Variants in TRPM8 observed in about 807,000 individuals in gnomAD.
TRPM8 encodes TRPM8 cationic channel.
Under a neutral mutation model 133.7 loss-of-function variants are expected in TRPM8, and 110 were observed. That is an observed-to-expected ratio of 0.82 (90% CI 0.70 to 0.96). TRPM8 has a LOEUF of 0.96. TRPM8 is among the 40% of genes least tolerant of loss of function. The pLI is 0.00. For missense variants in TRPM8, 1,291 were observed against 1,379.5 expected, an observed-to-expected ratio of 0.94 and a Z score of 1.02; for synonymous variants, 535 against 532.3, an observed-to-expected ratio of 1.01 and a Z score of -0.07.
chr2:233,963,746 T>G (rs748746698), intron 13 of TRPM8, among the ~76,000 whole-genome samples: 3 of 152,220 alleles, frequency 2.0e-5, no homozygotes, highest in Non-Finnish European at 4.4e-5. Context: ...TATGGAGAAT[T>G]TTCCTTGTGA....
At chr2:233,965,896 C>T (rs930170718) in intron 14 of TRPM8, 3 of 151,082 alleles carry the variant, frequency 2.0e-5, no homozygotes, top group Admixed American at 6.6e-5. Flanking sequence ...TTGCCCAGGC[C>T]GGAGAACAAT....
intron 1 of TRPM8, among the ~76,000 whole-genome samples, chr2:233,922,001 T>C (rs932674568): frequency 1.2e-4 from 19 of 152,176 alleles, no homozygotes; most frequent in Admixed American, 1.2e-3. Context: ...TGAAGGCTAC[T>C]GTACAAATGT....
intron 14 of TRPM8, 141 bp from the exon 15 acceptor site, chr2:233,966,469 G>T: frequency 5.9e-6 from 6 of 1,013,346 alleles, no homozygotes; most frequent in Non-Finnish European, 8.8e-6. Context: ...GTGTTGTGAT[G>T]GCATTTTCTA....
rs1691426483 is a variant in TRPM8, at chr2:233,961,077, G to A, written c.1653+11G>A. 1.9e-6 allele frequency: 3 copies of A among 1,608,946 alleles called. No individual in the cohort carries two copies. Among genetic ancestry groups the A allele is most frequent in the Non-Finnish European group, 2.5e-6 (3 of 1,176,902 alleles). ...GACATAGAACTCCACGTAGGTACTG[G>A]GAGAGTTGCCTGCTTGAGTTCTCGG... On this transcript the variant is annotated intron_variant, in intron 12 of 25. Coordinates refer to ENST00000324695, the MANE Select transcript of TRPM8 (RefSeq NM_024080.5).
intron 22 of TRPM8, among the ~76,000 whole-genome samples, chr2:233,999,536 G>A (rs1692497277): frequency 1.3e-5 from 2 of 152,164 alleles, no homozygotes; most frequent in African/African-American, 4.8e-5. Flanking sequence ...TCGTGGCCCT[G>A]TTTGGCCACC....
intron 1 of TRPM8, among the ~76,000 whole-genome samples, chr2:233,923,583 C>G (rs868739453): frequency 6.6e-6 from 1 of 152,312 alleles, no homozygotes; most frequent in South Asian, 2.1e-4. Context: ...CTGCACATCT[C>G]GAGCACATCC....
chr2:233,993,765 A>T (rs1375914326), intron 21 of TRPM8, among the ~76,000 whole-genome samples: 1 of 152,190 alleles, frequency 6.6e-6, no homozygotes, highest in African/African-American at 2.4e-5. Context: ...CACTTGCCAG[A>T]GAGAATGCTT....
At chr2:233,994,007 T>C (rs892186151) in intron 21 of TRPM8, among the ~76,000 whole-genome samples, 1 of 152,212 alleles carries the variant, frequency 6.6e-6, no homozygotes, top group African/African-American at 2.4e-5. Context: ...TTTTTGGAAA[T>C]ACAACATTGC....
intron 9 of TRPM8, among the ~76,000 whole-genome samples, chr2:233,951,344 G>A (rs1331600338): frequency 6.6e-6 from 1 of 152,170 alleles, no homozygotes; most frequent in Non-Finnish European, 1.5e-5. Flanking sequence ...CACTCTCAAC[G>A]TCATTTCCTG....
Position 233,961,014 on chromosome 2 carries a change from G to T in TRPM8, c.1601G>T (p.Gly534Val), listed in dbSNP as rs933980365. The T allele has an allele frequency of 6.2e-7, 1 of 1,614,168 alleles. No homozygotes were observed. The highest frequency in any genetic ancestry group is 8.5e-7 in the Non-Finnish European group (1 of 1,180,042). Residue 534 changes from glycine (G) to valine (V), a missense_variant, in exon 12 of 26, where the codon GGC becomes GTC. Around this residue, in one of 2 missense-constraint regions of TRPM8, gnomAD observed 963 missense variants for 968.9 expected, o/e 0.99. Transcript: ENST00000324695. ...AAACTGGTTGCGAACTTCCGAAGAG[G>T]CTTCCGGAAGGAAGACAGAAATGGC... ...VWKLVANFRR[G>V]FRKEDRNGRD...
chr2:233,923,771 G>C (rs775274084), intron 1 of TRPM8, among the ~76,000 whole-genome samples: 10 of 152,100 alleles, frequency 6.6e-5, no homozygotes, highest in Non-Finnish European at 1.2e-4. Context: ...TCTGCCTGGG[G>C]AGGCTGTAAC....
chr2:233,962,427 T>A (rs1025281086), intron 12 of TRPM8, among the ~76,000 whole-genome samples: 5 of 152,176 alleles, frequency 3.3e-5, no homozygotes, highest in African/African-American at 9.7e-5. Flanking sequence ...TGGGGTTCCC[T>A]TTTGTTCTGG....
chr2:233,990,597 T>C (rs1475838292), intron 21 of TRPM8, among the ~76,000 whole-genome samples: 3 of 152,218 alleles, frequency 2.0e-5, no homozygotes, highest in Non-Finnish European at 4.4e-5. Context: ...ACTATTATAA[T>C]GAGCACAGGT....
intron 20 of TRPM8, among the ~76,000 whole-genome samples, chr2:233,985,164 C>A (rs1321436784): frequency 2.0e-5 from 3 of 152,214 alleles, no homozygotes; most frequent in Non-Finnish European, 4.4e-5. Flanking sequence ...TGTTTACAAC[C>A]CCCACCACGG....
At chr2:233,999,196 G>C (rs969190223) in intron 22 of TRPM8, among the ~76,000 whole-genome samples, 5 of 152,076 alleles carry the variant, frequency 3.3e-5, no homozygotes, top group Non-Finnish European at 7.3e-5. Context: ...GGCTGCCTCT[G>C]TTCCTTGAAG....
rs201721084 is a variant in TRPM8, at chr2:233,981,933, T to C, written c.2589+18T>C. 14 of 1,585,130 alleles carry C rather than the reference T, an allele frequency of 8.8e-6. No homozygotes were observed. The highest frequency in any genetic ancestry group is 7.0e-5 in the South Asian group (6 of 85,134). ...AGAGGATGGTAAGAGTCAAGAATAT[T>C]TGTAGTCATCATTTTTCTTGCGGGG... On this transcript the variant is annotated intron_variant, in intron 19 of 25. Transcript: ENST00000324695.
intron 4 of TRPM8, among the ~76,000 whole-genome samples, chr2:233,938,333 C>A (rs1258033253): frequency 6.6e-6 from 1 of 152,220 alleles, no homozygotes; most frequent in Non-Finnish European, 1.5e-5. Context: ...AGCACCCCCA[C>A]TCCCCCCAGT....
intron 6 of TRPM8, 102 bp from the exon 7 acceptor site, chr2:233,945,754 A>T: frequency 9.2e-7 from 1 of 1,088,848 alleles, no homozygotes; most frequent in Non-Finnish European, 1.3e-6. Context: ...GCATAATGTG[A>T]TTGAACCCAA....
Position 234,017,432 on chromosome 2 carries a change from G to T in TRPM8, c.*176G>T. On this transcript the variant is annotated 3_prime_UTR_variant, in exon 26 of 26. Coordinates refer to ENST00000324695, the MANE Select transcript of TRPM8 (RefSeq NM_024080.5). ...GACCTTGAGAATAAAGTGTGTGATT[G>T]GTTTCATACTTGAAGACGGATATAA... The T allele has an allele frequency of 2.2e-6, 1 of 461,296 alleles. No homozygotes were observed. 28.6% of individuals were successfully genotyped at this position (461,296 alleles called of 1,614,324 possible). A position where few individuals can be genotyped will look rare whatever the true frequency, so the allele number is the denominator to read the frequency against.
Sources: gnomAD v4.1 joint callset for allele counts (sites outside exome capture counted in the v4.1 genomes callset) on GRCh38, gnomAD v4.1.1 for gene constraint, gnomAD v4.1.1 regional missense constraint, MANE v1.5 for transcripts, NCBI Gene and HGNC (gene_info 2026-07-23, HGNC 2026-07-21) for gene names.